Variants in MACROD1 observed in about 807,000 individuals in gnomAD.
MACROD1 encodes the protein mono-ADP ribosylhydrolase 1.
In MACROD1, 31 loss-of-function variants were observed where a neutral mutation model predicts 41.4. The ratio of observed to expected loss-of-function variants is 0.75; its 90% CI spans 0.56 to 1.01. MACROD1 has a LOEUF of 1.01. Among genes scored for constraint, MACROD1 ranks in the 50% least tolerant of loss-of-function variants. The pLI, the probability that MACROD1 is intolerant of heterozygous loss-of-function variation, is 0.00. For missense variants in MACROD1, 473 were observed against 460.0 expected, an observed-to-expected ratio of 1.03 and a Z score of -0.26; for synonymous variants, 252 against 203.4, an observed-to-expected ratio of 1.24 and a Z score of -2.03.
chr11:64,056,174 T>G (rs1590847154), intron 3 of MACROD1, among the ~76,000 whole-genome samples: 1 of 152,130 alleles, frequency 6.6e-6, no homozygotes, highest in East Asian at 1.9e-4. Flanking sequence ...TCTTTTGGGC[T>G]GTGCAGGCAA....
chr11:64,156,108 C>CAAA (rs781677528), intron 1 of MACROD1, among the ~76,000 whole-genome samples: 6 of 56,902 alleles, frequency 1.1e-4, no homozygotes, highest in South Asian at 5.4e-4. Context: ...AACTCCATCT[C>CAAA]AAAAAAAAAA....
At chr11:64,135,769 C>T (rs941517811) in intron 3 of MACROD1, among the ~76,000 whole-genome samples, 2 of 152,120 alleles carry the variant, frequency 1.3e-5, no homozygotes, top group African/African-American at 4.8e-5. Flanking sequence ...TTCCGAGGGC[C>T]CACGGCAGCC....
chr11:64,113,823 C>CATGG (rs138768566), intron 3 of MACROD1, among the ~76,000 whole-genome samples: 2,710 of 113,820 alleles, frequency 0.024, 178 homozygotes, highest in Admixed American at 0.16. Flanking sequence ...CAGGTGGACG[C>CATGG]ATGGATGGAT....
intron 3 of MACROD1, among the ~76,000 whole-genome samples, chr11:64,032,204 G>A (rs1943304232): frequency 6.6e-6 from 1 of 152,178 alleles, no homozygotes; most frequent in Non-Finnish European, 1.5e-5. Flanking sequence ...GTGAAGCCAG[G>A]GGTGGCCCAG....
chr11:64,100,946 T>C (rs1944660301), intron 3 of MACROD1, among the ~76,000 whole-genome samples: 1 of 152,132 alleles, frequency 6.6e-6, no homozygotes, highest in South Asian at 2.1e-4. Context: ...CTTGGTTTTC[T>C]AAATGAGGGA....
chr11:64,065,592 A>G (rs1305899245), intron 3 of MACROD1, among the ~76,000 whole-genome samples: 9 of 151,374 alleles, frequency 5.9e-5, no homozygotes, highest in Non-Finnish European at 1.2e-4. Flanking sequence ...GATCAAGACC[A>G]TCCTGGCTAA....
intron 3 of MACROD1, among the ~76,000 whole-genome samples, chr11:64,063,966 A>G (rs546431418): frequency 6.6e-6 from 1 of 152,314 alleles, no homozygotes; most frequent in South Asian, 2.1e-4. Context: ...AGAGGTGACA[A>G]TGAATCGCAT....
intron 3 of MACROD1, among the ~76,000 whole-genome samples, chr11:64,040,148 C>G (rs1590825381): frequency 6.6e-6 from 1 of 152,242 alleles, no homozygotes; most frequent in African/African-American, 2.4e-5. Context: ...GCCCTCAGGG[C>G]GCTTCCAGTC....
chr11:64,020,673 C>T (rs1943141284), intron 3 of MACROD1, among the ~76,000 whole-genome samples: 1 of 152,060 alleles, frequency 6.6e-6, no homozygotes, highest in Admixed American at 6.6e-5. Flanking sequence ...TGATGCTCTC[C>T]TGGGGGGGCC....
intron 1 of MACROD1, among the ~76,000 whole-genome samples, chr11:64,161,708 C>T (rs997740779): frequency 1.6e-4 from 24 of 152,060 alleles, no homozygotes; most frequent in African/African-American, 5.1e-4. Flanking sequence ...CTGCGGTGGG[C>T]GGATTGCTTG....
chr11:64,088,651 GT>G, intron 3 of MACROD1, among the ~76,000 whole-genome samples: 1 of 152,264 alleles, frequency 6.6e-6, no homozygotes, highest in East Asian at 1.9e-4. Flanking sequence ...ACCCTTATTG[GT>G]TGTGTGACCC....
chr11:64,127,388 G>A (rs113086468), intron 3 of MACROD1, among the ~76,000 whole-genome samples: 1 of 152,086 alleles, frequency 6.6e-6, no homozygotes, highest in East Asian at 1.9e-4. Context: ...CCCCTCCCCG[G>A]GCCTTGCCCC....
At chr11:64,114,508 A>G (rs1408182196) in intron 3 of MACROD1, among the ~76,000 whole-genome samples, 149 of 104,850 alleles carry the variant, frequency 1.4e-3, no homozygotes, top group East Asian at 3.4e-3. Flanking sequence ...TGGATGGATG[A>G]ATGGATGGAT....
At chr11:64,006,152 A>T (rs923292140) in intron 4 of MACROD1, among the ~76,000 whole-genome samples, 1 of 152,248 alleles carries the variant, frequency 6.6e-6, no homozygotes, top group Non-Finnish European at 1.5e-5. Flanking sequence ...CTAACCCTGC[A>T]GAGGGAAGGT....
At chr11:64,053,634 A>AG (rs537401415) in intron 3 of MACROD1, among the ~76,000 whole-genome samples, 1 of 152,098 alleles carries the variant, frequency 6.6e-6, no homozygotes, top group Non-Finnish European at 1.5e-5. Context: ...GGGGATCTAC[A>AG]GGGGGCAGCT....
chr11:64,153,151 C>T (rs906340856), intron 1 of MACROD1, among the ~76,000 whole-genome samples: 1 of 152,170 alleles, frequency 6.6e-6, no homozygotes, highest in African/African-American at 2.4e-5. Flanking sequence ...CTCCGCCTTC[C>T]CTTGGGGGTG....
intron 3 of MACROD1, among the ~76,000 whole-genome samples, chr11:64,070,299 C>T (rs889317508): frequency 1.3e-5 from 2 of 152,092 alleles, no homozygotes; most frequent in South Asian, 2.1e-4. Context: ...GGGAAGGAAT[C>T]GGAGCCTCCT....
At chr11:64,076,475 T>C (rs1944204453) in intron 3 of MACROD1, among the ~76,000 whole-genome samples, 1 of 150,516 alleles carries the variant, frequency 6.6e-6, no homozygotes, top group Admixed American at 6.6e-5. Flanking sequence ...GACGGACGAA[T>C]GGATGGATGG....
chr11:64,111,919 C>T (rs1944870211), intron 3 of MACROD1, among the ~76,000 whole-genome samples: 1 of 152,146 alleles, frequency 6.6e-6, no homozygotes, highest in Non-Finnish European at 1.5e-5. Context: ...TCTGAGAATG[C>T]TCAGCCTGGG....
Sources: allele counts gnomAD v4.1 joint callset (sites outside exome capture counted in the v4.1 genomes callset), GRCh38; gene constraint gnomAD v4.1.1; transcripts MANE v1.5; gene names NCBI Gene and HGNC (gene_info 2026-07-23, HGNC 2026-07-21).